KIAA1328: variants seen among roughly 807,000 people sequenced by gnomAD.
The protein encoded by KIAA1328 is protein hinderin.
KIAA1328 carries 52 observed loss-of-function variants against 68.1 expected under a neutral mutation model. The ratio of observed to expected loss-of-function variants is 0.76; its 90% CI spans 0.61 to 0.96. The LOEUF is 0.96. Ranked by LOEUF, KIAA1328 falls within the 40% of genes least tolerant of loss-of-function variation. KIAA1328 has a pLI of 0.00. For synonymous variants in KIAA1328, 232 were observed against 239.4 expected (o/e 0.97, Z 0.28); for missense variants, 641 against 677.6 (o/e 0.95, Z 0.60).
intron 6 of KIAA1328, among the ~76,000 whole-genome samples, chr18:37,019,643 T>C (rs980046810): frequency 6.6e-6 from 1 of 152,188 alleles, no homozygotes; most frequent in Admixed American, 6.5e-5. Context: ...ACACTCTTAA[T>C]CCAAGTGGGT....
chr18:37,124,521 A>G (rs2058346708), intron 7 of KIAA1328, among the ~76,000 whole-genome samples: 1 of 152,000 alleles, frequency 6.6e-6, no homozygotes. Flanking sequence ...ATCCTATACA[A>G]AGCAGTCAGA....
intron 9 of KIAA1328, among the ~76,000 whole-genome samples, chr18:37,202,980 C>A (rs1294065092): frequency 6.6e-6 from 1 of 151,574 alleles, no homozygotes; most frequent in Admixed American, 6.6e-5. Flanking sequence ...AGAGAAGAGA[C>A]TCAGTTTTCC....
chr18:36,865,163 A>G (rs1027712186), intron 4 of KIAA1328, among the ~76,000 whole-genome samples: 6 of 151,646 alleles, frequency 4.0e-5, no homozygotes, highest in Admixed American at 2.0e-4. Flanking sequence ...CAATGTAAGC[A>G]TTTAATGCTA....
At position 37,084,180 on chromosome 18, in the gene KIAA1328, A is replaced by T. The variant is rs2057030783; in HGVS notation, c.1232+16635A>T. 3 of 1,527,000 alleles carry T rather than the reference A, an allele frequency of 2.0e-6. No individual in the cohort carries two copies. The South Asian group carries it at 3.6e-5, about 19-fold the overall frequency. The allele number at this position is 1,527,000 out of a possible 1,614,324, so 94.6% of individuals were successfully genotyped here. ...AGAACTGGTTGCTGAAAAACAGCTT[A>T]CTAAACCCCAAGAACTCAAACTGGA... On this transcript the variant is annotated intron_variant, in intron 7 of 9. Transcript: ENST00000280020.
At chr18:37,066,499 A>G (rs1025756092) in intron 6 of KIAA1328, among the ~76,000 whole-genome samples, 3 of 146,004 alleles carry the variant, frequency 2.1e-5, no homozygotes, top group Non-Finnish European at 4.4e-5. Flanking sequence ...AAGAGTATTT[A>G]AAGTGACTGA....
chr18:36,891,671 T>C (rs1045142510), intron 5 of KIAA1328, among the ~76,000 whole-genome samples: 3 of 152,222 alleles, frequency 2.0e-5, no homozygotes, highest in Admixed American at 6.5e-5. Context: ...TAGTATTCCA[T>C]TGTGTGTATA....
intron 7 of KIAA1328, among the ~76,000 whole-genome samples, chr18:37,094,328 A>T (rs950992196): frequency 2.0e-5 from 3 of 151,992 alleles, no homozygotes; most frequent in Admixed American, 2.0e-4. Flanking sequence ...AGGCCAGGAG[A>T]GAATGGAATG....
In KIAA1328 at chr18:37,067,294, T is replaced by C; in HGVS notation, c.981T>C (p.His327=). 6.2e-7 allele frequency: 1 copy of C among 1,613,970 alleles called. No individual in the cohort carries two copies. The highest frequency in any genetic ancestry group is 8.5e-7 in the Non-Finnish European group (1 of 1,179,872). ...DSHPTNMTPQ[H]PKTHPESCSY... The stretch of plus-strand genomic sequence containing the variant: ...ATCCTACAAACATGACCCCTCAACA[T>C]CCTAAGACACATCCAGAATCATGCA... The change falls in exon 7 of 10, where the codon CAT becomes CAC. Residue 327 remains histidine, a synonymous_variant. Coordinates refer to ENST00000280020, the MANE Select transcript of KIAA1328 (RefSeq NM_020776.3).
intron 5 of KIAA1328, among the ~76,000 whole-genome samples, chr18:36,912,742 A>G (rs2049506235): frequency 6.6e-6 from 1 of 152,096 alleles, no homozygotes; most frequent in South Asian, 2.1e-4. Flanking sequence ...TATCAGCTCA[A>G]AAGTTTCGAA....
At chr18:36,954,029 T>C (rs1282037815) in intron 5 of KIAA1328, among the ~76,000 whole-genome samples, 1 of 136,392 alleles carries the variant, frequency 7.3e-6, no homozygotes, top group Non-Finnish European at 1.6e-5. Flanking sequence ...GGAGTCTCGC[T>C]CTGTCGCCCA....
intron 7 of KIAA1328, among the ~76,000 whole-genome samples, chr18:37,092,949 G>A (rs1488197264): frequency 1.3e-5 from 2 of 152,102 alleles, no homozygotes; most frequent in East Asian, 1.9e-4. Context: ...ACTGAGACTG[G>A]CACACTCATC....
intron 6 of KIAA1328, among the ~76,000 whole-genome samples, chr18:36,993,125 C>A (rs371524167): frequency 2.6e-4 from 40 of 151,446 alleles, no homozygotes; most frequent in Admixed American, 3.3e-4. Flanking sequence ...AACAAACAAA[C>A]AAAAAAAAGT....
intron 5 of KIAA1328, 55 bp downstream of exon 5, chr18:36,885,727 T>C (rs1473187346): frequency 8.3e-7 from 1 of 1,208,102 alleles, no homozygotes; most frequent in African/African-American, 1.6e-5. Context: ...CTATTTCTTT[T>C]TTTTTTTGAG....
chr18:36,960,558 G>C (rs1265752989), intron 6 of KIAA1328, among the ~76,000 whole-genome samples: 1 of 152,146 alleles, frequency 6.6e-6, no homozygotes, highest in Non-Finnish European at 1.5e-5. Flanking sequence ...CACAGTAGAG[G>C]CCAACAGACA....
At chr18:37,053,480 A>C (rs1022553291) in intron 6 of KIAA1328, among the ~76,000 whole-genome samples, 3 of 152,204 alleles carry the variant, frequency 2.0e-5, no homozygotes, top group African/African-American at 7.2e-5. Flanking sequence ...ATAAAAATAT[A>C]TGAATGGGAC....
At chr18:36,876,093 T>C (rs1313445570) in intron 4 of KIAA1328, among the ~76,000 whole-genome samples, 1 of 152,226 alleles carries the variant, frequency 6.6e-6, no homozygotes, top group Non-Finnish European at 1.5e-5. Flanking sequence ...GATTTTCCCA[T>C]CGATGTTCAT....
At chr18:36,977,508 C>G (rs143504808) in intron 6 of KIAA1328, among the ~76,000 whole-genome samples, 246 of 152,200 alleles carry the variant, frequency 1.6e-3, no homozygotes, top group African/African-American at 5.7e-3. Flanking sequence ...TGCTGTTTCC[C>G]GATACTCTTA....
chr18:37,225,427 A>G, downstream of KIAA1328: 1 of 499,762 alleles, frequency 2.0e-6, no homozygotes, highest in Non-Finnish European at 2.6e-6. Flanking sequence ...GGTTATCAAA[A>G]TGTTATTTTC....
At chr18:36,869,983 C>T (rs1354427093) in intron 4 of KIAA1328, among the ~76,000 whole-genome samples, 1 of 152,110 alleles carries the variant, frequency 6.6e-6, no homozygotes, top group Non-Finnish European at 1.5e-5. Flanking sequence ...CTCCCTCAGC[C>T]TCCCAACTAG....
Sources: allele counts gnomAD v4.1 joint callset (sites outside exome capture counted in the v4.1 genomes callset), GRCh38; gene constraint gnomAD v4.1.1; transcripts MANE v1.5; gene names NCBI Gene and HGNC (gene_info 2026-07-23, HGNC 2026-07-21).